The following RIMS1 variants were observed in gnomAD, a reference collection of about 807,000 sequenced individuals.
RIMS1 encodes regulating synaptic membrane exocytosis 1.
Under a neutral mutation model 214.1 loss-of-function variants are expected in RIMS1, and 83 were observed. The observed-to-expected ratio is 0.39, with a 90% CI of 0.32 to 0.47. The LOEUF (loss-of-function observed/expected upper bound fraction) is 0.47, where lower values mean the gene tolerates loss of function less well. Ranked by LOEUF, RIMS1 falls within the 20% of genes least tolerant of loss-of-function variation. RIMS1 has a pLI of 0.99. For missense variants in RIMS1, 2,050 were observed against 2,161.8 expected, an observed-to-expected ratio of 0.95 and a Z score of 1.03; for synonymous variants, 793 against 786.8, an observed-to-expected ratio of 1.01 and a Z score of -0.13.
At chr6:71,888,655 C>A (rs1306443472) in intron 1 of RIMS1, among the ~76,000 whole-genome samples, 1 of 152,176 alleles carries the variant, frequency 6.6e-6, no homozygotes, top group African/African-American at 2.4e-5. Flanking sequence ...GAGGGGGATA[C>A]TGAGGGAGAG....
chr6:72,378,751 A>G (rs148062989), intron 29 of RIMS1, among the ~76,000 whole-genome samples: 1 of 152,328 alleles, frequency 6.6e-6, no homozygotes, highest in African/African-American at 2.4e-5. Flanking sequence ...AGGCAGAAGA[A>G]TCGCTTAAAC....
intron 29 of RIMS1, among the ~76,000 whole-genome samples, chr6:72,340,411 G>A (rs2097024109): frequency 6.6e-6 from 1 of 151,866 alleles, no homozygotes; most frequent in African/African-American, 2.4e-5. Flanking sequence ...GGTTTTTATG[G>A]TTTTAGGTCT....
chr6:72,297,163 A>G (rs1037034878), intron 26 of RIMS1, among the ~76,000 whole-genome samples: 8 of 151,972 alleles, frequency 5.3e-5, no homozygotes, highest in Non-Finnish European at 1.2e-4. Flanking sequence ...TTAATTAAAA[A>G]ATTAAAAAAT....
chr6:72,219,346 C>G (rs1325031297), intron 6 of RIMS1, among the ~76,000 whole-genome samples: 4 of 152,048 alleles, frequency 2.6e-5, no homozygotes, highest in Non-Finnish European at 5.9e-5. Context: ...ATTATATAAC[C>G]TGCTTCACGT....
chr6:72,084,214 G>A (rs909216216), intron 2 of RIMS1, among the ~76,000 whole-genome samples: 1 of 152,128 alleles, frequency 6.6e-6, no homozygotes, highest in African/African-American at 2.4e-5. Context: ...TTTGCATGGA[G>A]TATGATTAGA....
chr6:72,182,668 G>A lies in RIMS1; in HGVS notation c.1197G>A (p.Glu399=), dbSNP rs2048538804. The A allele has an allele frequency of 6.2e-6, 9 of 1,448,244 alleles. No homozygotes were observed. The highest frequency in any genetic ancestry group is 2.8e-5 in the East Asian group (1 of 35,494). 89.7% of individuals were successfully genotyped at this position (1,448,244 alleles called of 1,614,324 possible). Residue 399 remains glutamate, a synonymous_variant, in exon 6 of 34, where the codon GAG becomes GAA. Transcript: ENST00000521978. ...GCGACGTGGCGCTCCCGCGCACCGA[G>A]GCGGGCGCGGCGCTGCCGGAGGGCA... ...RHSDVALPRT[E]AGAALPEGKA... is the part of the protein sequence containing the mutation.
chr6:72,291,328 A>G (rs1182800884), intron 25 of RIMS1, among the ~76,000 whole-genome samples: 2 of 152,334 alleles, frequency 1.3e-5, no homozygotes, highest in Non-Finnish European at 1.5e-5. Flanking sequence ...CCTGGGCAGT[A>G]GTAATATATC....
chr6:71,984,424 C>G (rs535802117), intron 2 of RIMS1, among the ~76,000 whole-genome samples: 1 of 151,756 alleles, frequency 6.6e-6, no homozygotes, highest in Non-Finnish European at 1.5e-5. Context: ...TTTACAGAAG[C>G]AGCAAATGCA....
chr6:72,005,623 A>G (rs1351819054), intron 2 of RIMS1, among the ~76,000 whole-genome samples: 1 of 152,232 alleles, frequency 6.6e-6, no homozygotes, highest in East Asian at 1.9e-4. Flanking sequence ...ACCAGGAAAG[A>G]CACTGACTTG....
chr6:72,130,597 T>C (rs1052599996), intron 4 of RIMS1, among the ~76,000 whole-genome samples: 1 of 152,134 alleles, frequency 6.6e-6, no homozygotes, highest in Non-Finnish European at 1.5e-5. Context: ...AAGATGATAG[T>C]GTTATTGGAA....
At chr6:71,957,900 A>G (rs1791765811) in intron 1 of RIMS1, among the ~76,000 whole-genome samples, 1 of 142,032 alleles carries the variant, frequency 7.0e-6, no homozygotes. Flanking sequence ...TTTTAATTAA[A>G]AATTAATTTA....
chr6:72,268,835 A>G (rs2081745420), intron 22 of RIMS1, among the ~76,000 whole-genome samples: 1 of 152,190 alleles, frequency 6.6e-6, no homozygotes, highest in African/African-American at 2.4e-5. Context: ...ATTCCAATTC[A>G]GTTATGCTTC....
intron 6 of RIMS1, chr6:72,213,144 G>A: frequency 1.3e-6 from 2 of 1,537,012 alleles, no homozygotes; most frequent in African/African-American, 1.4e-5. Context: ...TGGGATTCAT[G>A]TCTCTTCAGA....
chr6:72,116,897 T>A (rs1213017892), intron 4 of RIMS1, among the ~76,000 whole-genome samples: 1 of 152,030 alleles, frequency 6.6e-6, no homozygotes, highest in Non-Finnish European at 1.5e-5. Flanking sequence ...CATAATATTG[T>A]TACAGTGCTG....
chr6:71,999,046 GT>G (rs1389547499), intron 2 of RIMS1, among the ~76,000 whole-genome samples: 1 of 151,882 alleles, frequency 6.6e-6, no homozygotes, highest in Non-Finnish European at 1.5e-5. Context: ...TTGTTATGAT[GT>G]TTTTTCTACT....
At chr6:71,892,088 C>A (rs1024983275) in intron 1 of RIMS1, among the ~76,000 whole-genome samples, 3 of 152,072 alleles carry the variant, frequency 2.0e-5, no homozygotes, top group Non-Finnish European at 4.4e-5. Context: ...AGTAAATTTG[C>A]CTGAGGCACG....
chr6:72,373,494 A>G (rs996945374), intron 29 of RIMS1, among the ~76,000 whole-genome samples: 2 of 152,202 alleles, frequency 1.3e-5, no homozygotes, highest in African/African-American at 2.4e-5. Context: ...TCCTCAAATT[A>G]TCAGGATTGT....
At chr6:72,301,505 G>T (rs562392021) in intron 26 of RIMS1, among the ~76,000 whole-genome samples, 1 of 151,648 alleles carries the variant, frequency 6.6e-6, no homozygotes, top group Admixed American at 6.6e-5. Context: ...AATGTTTGGG[G>T]GGAAAATGAT....
Position 72,252,806 on chromosome 6 carries a change from A to T in RIMS1, c.2744A>T (p.Asp915Val). 1 of 1,558,164 alleles carries T rather than the reference A, an allele frequency of 6.4e-7. No homozygotes were observed. The highest frequency in any genetic ancestry group is 8.7e-7 in the Non-Finnish European group (1 of 1,149,940). ...AGTGACATCTCAGATTATGAGGTTG[A>T]TGATGGTATTGGCGTAGTTCCTCCA... is the stretch of plus-strand genomic sequence containing the variant. ...SDSDISDYEV[D>V]DGIGVVPPVG... The change falls in exon 16 of 34, where the codon GAT becomes GTT. Residue 915 changes from aspartate (D) to valine (V), a missense_variant. Around this residue, in one of 6 missense-constraint regions of RIMS1, gnomAD observed 889 missense variants for 885.5 expected, o/e 1.00. Coordinates refer to ENST00000521978, the MANE Select transcript of RIMS1 (RefSeq NM_014989.7).
Sources: allele counts gnomAD v4.1 joint callset (sites outside exome capture counted in the v4.1 genomes callset), GRCh38; gene constraint gnomAD v4.1.1; regional missense constraint gnomAD v4.1.1; transcripts MANE v1.5; gene names NCBI Gene and HGNC (gene_info 2026-07-23, HGNC 2026-07-21).